The following FAM50B variants were observed in gnomAD, a reference collection of about 807,000 sequenced individuals.
FAM50B encodes family with sequence similarity 50 member B.
Under a neutral mutation model 25.4 loss-of-function variants are expected in FAM50B, and 9 were observed. The ratio of observed to expected loss-of-function variants is 0.35; its 90% CI spans 0.21 to 0.62. The LOEUF is 0.62. FAM50B is among the 20% of genes least tolerant of loss of function. The probability of loss-of-function intolerance (pLI) is 0.73; values close to 1 mark genes in which losing one functional copy is unlikely to be tolerated. For missense variants in FAM50B, 372 were observed against 477.9 expected, an observed-to-expected ratio of 0.78 and a Z score of 2.07; for synonymous variants, 212 against 204.3, an observed-to-expected ratio of 1.04 and a Z score of -0.32.
chr6:3,833,020 T>A, the FAM50B span, among the ~76,000 whole-genome samples: 1 of 151,886 alleles, frequency 6.6e-6, no homozygotes. Context: ...GCCACCACAC[T>A]CGGCTAATTT....
chr6:3,847,287 T>A (rs1762134952), upstream of FAM50B, among the ~76,000 whole-genome samples: 1 of 152,270 alleles, frequency 6.6e-6, no homozygotes. Flanking sequence ...CTATTTTGTC[T>A]ACATTGAAAA....
upstream of FAM50B, among the ~76,000 whole-genome samples, chr6:3,849,012 G>A (rs1420029138): frequency 2.6e-5 from 4 of 152,230 alleles, no homozygotes; most frequent in Non-Finnish European, 5.9e-5. Flanking sequence ...GTGTTGCAAG[G>A]CTCTCTGGGT....
At position 3,850,659 on chromosome 6, in the gene FAM50B, A is replaced by G; in HGVS notation, c.848A>G (p.Glu283Gly). 6.2e-7 allele frequency: 1 copy of G among 1,614,062 alleles called. No homozygotes were observed. The highest frequency in any genetic ancestry group is 8.5e-7 in the Non-Finnish European group (1 of 1,180,022). The change falls in exon 2 of 2, where the codon GAG (glutamate) becomes GGG (glycine). Residue 283 changes from glutamate to glycine, a missense_variant. Coordinates refer to ENST00000648326, the MANE Select transcript of FAM50B (RefSeq NM_012135.3). ...CGCCTGCTCAGCGACGCCACCATGG[A>G]GAAGGACGAGTCGCACGCGGGCAAG... Reference protein sequence around the residue: ...DVRLLSDATMEKDESHAGKVV... With the variant: ...DVRLLSDATMGKDESHAGKVV...
the FAM50B span, among the ~76,000 whole-genome samples, chr6:3,840,289 TG>T: frequency 1.3e-5 from 2 of 152,082 alleles, no homozygotes; most frequent in South Asian, 4.2e-4. Context: ...CACCACGTCC[TG>T]CCAAAACCCC....
the FAM50B span, among the ~76,000 whole-genome samples, chr6:3,836,268 G>C: frequency 1.3e-5 from 2 of 152,144 alleles, no homozygotes; most frequent in Non-Finnish European, 2.9e-5. Context: ...TTCTTGTATA[G>C]AGAATTACTA....
the FAM50B span, among the ~76,000 whole-genome samples, chr6:3,838,859 A>AC: frequency 4.0e-4 from 58 of 143,264 alleles, no homozygotes; most frequent in Non-Finnish European, 3.6e-4. Flanking sequence ...AAAAAAAAAA[A>AC]ACACACACAC....
rs777270668 is a variant in FAM50B at position 3,850,421 on chromosome 6, C to T, written c.610C>T (p.Arg204Cys). Residue 204 changes from arginine to cysteine, a missense_variant, in exon 2 of 2, where the codon CGC (arginine) becomes TGC (cysteine). By Grantham distance (180) the Arg-to-Cys change is radical. Coordinates refer to ENST00000648326, the MANE Select transcript of FAM50B (RefSeq NM_012135.3). ...GSGHRRTVRV[R>C]KGNTVQQFLK... ...GGGCCACCGGCGCACGGTGCGGGTG[C>T]GCAAGGGCAACACGGTGCAGCAGTT... The T allele has an allele frequency of 1.2e-6, 2 of 1,613,360 alleles. No homozygotes were observed. Among genetic ancestry groups the T allele is most frequent in the Non-Finnish European group, 8.5e-7 (1 of 1,179,934 alleles).
intron 1 of FAM50B, 112 bp from the exon 2 acceptor site, chr6:3,849,677 C>T (rs971831813): frequency 2.8e-6 from 4 of 1,419,154 alleles, no homozygotes; most frequent in South Asian, 1.5e-5. Flanking sequence ...TCGGCCCAGC[C>T]CCTGAACGCT....
the FAM50B span, among the ~76,000 whole-genome samples, chr6:3,837,619 A>G: frequency 6.6e-6 from 1 of 152,260 alleles, no homozygotes; most frequent in African/African-American, 2.4e-5. Context: ...ATAAAATACC[A>G]GAGACTGGGT....
chr6:3,846,892 C>T (rs1762130248), upstream of FAM50B, among the ~76,000 whole-genome samples: 1 of 152,228 alleles, frequency 6.6e-6, no homozygotes, highest in Non-Finnish European at 1.5e-5. Context: ...ATGAAATCAA[C>T]TTTAATCTCC....
Position 3,850,564 on chromosome 6 carries a change from C to T in FAM50B, c.753C>T (p.Tyr251=), listed in dbSNP as rs745333853. 9 of 1,614,002 alleles carry T rather than the reference C, an allele frequency of 5.6e-6. No homozygotes were observed. The highest frequency in any genetic ancestry group is 5.9e-6 in the Non-Finnish European group (7 of 1,180,044). The change falls in exon 2 of 2, where the codon TAC becomes TAT. Residue 251 remains tyrosine (Y), a synonymous_variant. Transcript: ENST00000648326. ...DLILPHYHTF[Y]DFIIARARGK... is the part of the protein sequence containing the mutation. ...TCCTGCCGCACTACCACACCTTCTA[C>T]GACTTCATCATCGCCAGGGCGAGGG...
rs755945241 is a variant in FAM50B at position 3,850,420 on chromosome 6, G to A, written c.609G>A (p.Val203=). ...CGGGCCACCGGCGCACGGTGCGGGT[G>A]CGCAAGGGCAACACGGTGCAGCAGT... is the stretch of plus-strand genomic sequence containing the variant. ...DGSGHRRTVR[V]RKGNTVQQFL... is the part of the protein sequence containing the mutation. The change falls in exon 2 of 2, where the codon GTG becomes GTA. Residue 203 remains valine (V), a synonymous_variant. Coordinates refer to ENST00000648326, the MANE Select transcript of FAM50B (RefSeq NM_012135.3). 62 of 1,613,294 alleles carry A rather than the reference G, an allele frequency of 3.8e-5. No individual in the cohort carries two copies. Among genetic ancestry groups the A allele is most frequent in the South Asian group, 3.8e-4 (35 of 91,082 alleles).
In FAM50B at chr6:3,849,866, A is replaced by C; in HGVS notation, c.55A>C (p.Lys19Gln). The change falls in exon 2 of 2, where the codon AAG becomes CAG. Residue 19 changes from lysine (K) to glutamine (Q), a missense_variant. Transcript: ENST00000648326. The stretch of plus-strand genomic sequence containing the variant: ...GGCAGGCCGTGCCATGCACCTCCTC[A>C]AGAAGCGCGAAAGGCAGCGGGAGCA... ...REAGRAMHLLKKRERQREQME... is the reference protein window; with the variant it reads ...REAGRAMHLLQKRERQREQME... 2.5e-6 allele frequency: 4 copies of C among 1,613,560 alleles called. No homozygotes were observed. Among genetic ancestry groups the C allele is most frequent in the Admixed American group, 1.7e-5 (1 of 60,030 alleles).
the FAM50B span, among the ~76,000 whole-genome samples, chr6:3,839,236 GGAGA>G: frequency 1.3e-5 from 2 of 151,858 alleles, no homozygotes; most frequent in Non-Finnish European, 1.5e-5. Flanking sequence ...GGACGCAAAA[GGAGA>G]GAGGGGGAGC....
At chr6:3,837,362 C>A in the FAM50B span, among the ~76,000 whole-genome samples, 1 of 152,108 alleles carries the variant, frequency 6.6e-6, no homozygotes, top group Non-Finnish European at 1.5e-5. Flanking sequence ...TACAAACTCT[C>A]AAAACTCAAT....
chr6:3,837,577 T>A, the FAM50B span, among the ~76,000 whole-genome samples: 1 of 151,806 alleles, frequency 6.6e-6, no homozygotes, highest in Non-Finnish European at 1.5e-5. Context: ...ATGCATAATA[T>A]CCAGCATCTT....
chr6:3,838,776 G>A, the FAM50B span, among the ~76,000 whole-genome samples: 4 of 149,662 alleles, frequency 2.7e-5, no homozygotes, highest in Non-Finnish European at 5.9e-5. Flanking sequence ...GGGAGACAGA[G>A]GTTGCAGTGA....
chr6:3,836,933 A>T, the FAM50B span, among the ~76,000 whole-genome samples: 1 of 152,188 alleles, frequency 6.6e-6, no homozygotes, highest in South Asian at 2.1e-4. Context: ...TCCACCATAG[A>T]TTCGCATTAT....
chr6:3,850,302 G>C lies in FAM50B; in HGVS notation c.491G>C (p.Arg164Pro). The C allele has an allele frequency of 1.2e-6, 2 of 1,613,306 alleles. No individual in the cohort carries two copies. Among genetic ancestry groups the C allele is most frequent in the African/African-American group, 1.3e-5 (1 of 75,060 alleles). ...PDRDREEEEN[R>P]LREELRQEWE... ...CGCGACCGCGAGGAGGAGGAGAACCGGCTCCGAGAGGAGCTGCGCCAAGAG... is the reference window on the plus strand; with the variant it reads ...CGCGACCGCGAGGAGGAGGAGAACCCGCTCCGAGAGGAGCTGCGCCAAGAG... The change falls in exon 2 of 2, where the codon CGG (arginine) becomes CCG (proline). Residue 164 changes from arginine to proline, a missense_variant. Arg to Pro is a moderately radical substitution (Grantham distance 103). Transcript: ENST00000648326.
Sources: allele counts gnomAD v4.1 joint callset (sites outside exome capture counted in the v4.1 genomes callset), GRCh38; gene constraint gnomAD v4.1.1; transcripts MANE v1.5; gene names NCBI Gene and HGNC (gene_info 2026-07-23, HGNC 2026-07-21).